GABRB1: variants seen among roughly 807,000 people sequenced by gnomAD.
GABRB1 encodes the protein gamma-aminobutyric acid type A receptor subunit beta1, also known as gamma-aminobutyric acid receptor subunit beta-1.
In GABRB1, 17 loss-of-function variants were observed where a neutral mutation model predicts 51.6. The ratio of observed to expected loss-of-function variants is 0.33; its 90% CI spans 0.23 to 0.49. The LOEUF (loss-of-function observed/expected upper bound fraction) is 0.49. GABRB1 is among the 20% of genes least tolerant of loss of function. The pLI is 0.99. For missense variants in GABRB1, 410 were observed against 600.6 expected, an observed-to-expected ratio of 0.68 and a Z score of 3.32; for synonymous variants, 247 against 218.9, an observed-to-expected ratio of 1.13 and a Z score of -1.14.
intron 3 of GABRB1, among the ~76,000 whole-genome samples, chr4:47,053,173 A>G (rs1726431559): frequency 6.6e-6 from 1 of 152,220 alleles, no homozygotes; most frequent in Non-Finnish European, 1.5e-5. Context: ...CTCTGGAGCA[A>G]GAATGACCCT....
At chr4:47,139,480 T>C (rs886600507) in intron 3 of GABRB1, among the ~76,000 whole-genome samples, 2 of 152,028 alleles carry the variant, frequency 1.3e-5, no homozygotes, top group African/African-American at 2.4e-5. Flanking sequence ...AATCATATCC[T>C]GGAGAAAGTG....
chr4:47,369,112 TA>T (rs796104553), intron 5 of GABRB1, among the ~76,000 whole-genome samples: 4 of 149,856 alleles, frequency 2.7e-5, no homozygotes, highest in Non-Finnish European at 6.0e-5. Context: ...CGTCTCAATT[TA>T]AAAAAATTTT....
intron 4 of GABRB1, among the ~76,000 whole-genome samples, chr4:47,185,875 C>A (rs1445272462): frequency 6.6e-6 from 1 of 151,828 alleles, no homozygotes; most frequent in African/African-American, 2.4e-5. Flanking sequence ...CTCTCAAGTG[C>A]TGGGGAAGAA....
At chr4:47,071,749 C>T (rs1167643093) in intron 3 of GABRB1, among the ~76,000 whole-genome samples, 1 of 150,780 alleles carries the variant, frequency 6.6e-6, no homozygotes, top group African/African-American at 2.4e-5. Flanking sequence ...GTGTCTAGAA[C>T]AGCACCGTGC....
intron 4 of GABRB1, 84 bp from the exon 5 acceptor site, chr4:47,320,042 TA>T: frequency 1.1e-6 from 1 of 927,756 alleles, no homozygotes; most frequent in Non-Finnish European, 1.8e-6. Context: ...TGCCAACTGG[TA>T]AACATGATTT....
At chr4:47,323,658 C>T (rs936285694) in intron 5 of GABRB1, among the ~76,000 whole-genome samples, 2 of 152,102 alleles carry the variant, frequency 1.3e-5, no homozygotes, top group Non-Finnish European at 2.9e-5. Context: ...ACGTTTGTGA[C>T]CAACAGAGTG....
intron 4 of GABRB1, among the ~76,000 whole-genome samples, chr4:47,264,228 A>G (rs1722560969): frequency 6.6e-6 from 1 of 152,180 alleles, no homozygotes; most frequent in Admixed American, 6.5e-5. Flanking sequence ...CTTCATAGGA[A>G]AGACTTAAAC....
intron 5 of GABRB1, among the ~76,000 whole-genome samples, chr4:47,394,937 C>T (rs899597532): frequency 2.6e-5 from 4 of 152,106 alleles, no homozygotes; most frequent in Non-Finnish European, 4.4e-5. Context: ...TTTCCTCCTC[C>T]CTGGAAGTGA....
intron 3 of GABRB1, among the ~76,000 whole-genome samples, chr4:47,128,533 A>G (rs1287639653): frequency 6.6e-6 from 1 of 152,042 alleles, no homozygotes; most frequent in African/African-American, 2.4e-5. Context: ...AGAAGAAGCT[A>G]GACACAAAGA....
At chr4:47,308,691 G>A (rs1021261552) in intron 4 of GABRB1, among the ~76,000 whole-genome samples, 1 of 152,100 alleles carries the variant, frequency 6.6e-6, no homozygotes, top group Non-Finnish European at 1.5e-5. Flanking sequence ...TAGTAACTGT[G>A]AAGGAGATTC....
rs56838956 is a variant in GABRB1, at chr4:47,254,361, G to GTTTTTTTTT, written c.462-65743_462-65735dup. On this transcript the variant is annotated intron_variant, in intron 4 of 8. Coordinates refer to ENST00000295454, the MANE Select transcript of GABRB1 (RefSeq NM_000812.4). Reference sequence around the variant, plus strand: ...ATGGTGGATGATGTTTCTTTTCTTTGTTTTTTTTTTTTTTTTTTTTTTTTT... The same window carrying GTTTTTTTTT: ...ATGGTGGATGATGTTTCTTTTCTTTGTTTTTTTTTTTTTTTTTTTTTTTTTTTTTTTTTT... 7.4e-4 allele frequency among the ~76,000 whole-genome samples: 60 copies of GTTTTTTTTT among 80,956 alleles called. 2 individuals are homozygous for GTTTTTTTTT. The highest frequency in any genetic ancestry group is 2.8e-3 in the African/African-American group (54 of 19,280). The allele number at this position is 80,956 out of a possible 152,430, so 53.1% of individuals were successfully genotyped here.
At chr4:47,218,278 A>G (rs1720633129) in intron 4 of GABRB1, among the ~76,000 whole-genome samples, 1 of 151,926 alleles carries the variant, frequency 6.6e-6, no homozygotes, top group South Asian at 2.1e-4. Context: ...GGTTATTGTG[A>G]ACAGAACTGC....
At chr4:47,359,071 A>G (rs548343186) in intron 5 of GABRB1, among the ~76,000 whole-genome samples, 22 of 152,146 alleles carry the variant, frequency 1.4e-4, no homozygotes, top group Non-Finnish European at 2.4e-4. Flanking sequence ...TTGGACTACA[A>G]TTTCTCGGTA....
At chr4:47,013,369 A>G (rs1193310959) in intron 1 of GABRB1, among the ~76,000 whole-genome samples, 1 of 152,170 alleles carries the variant, frequency 6.6e-6, no homozygotes, top group Non-Finnish European at 1.5e-5. Context: ...CATGTTGGCC[A>G]GGCTGGTTTC....
At chr4:47,322,908 G>A (rs748260712) in intron 5 of GABRB1, among the ~76,000 whole-genome samples, 63 of 152,144 alleles carry the variant, frequency 4.1e-4, no homozygotes, top group Non-Finnish European at 8.5e-4. Context: ...GGCAGAGGTT[G>A]CAGTGAGCTG....
chr4:47,261,847 A>G (rs1560303293), intron 4 of GABRB1, among the ~76,000 whole-genome samples: 1 of 152,246 alleles, frequency 6.6e-6, no homozygotes, highest in Non-Finnish European at 1.5e-5. Context: ...AAACAGAGAT[A>G]TAGATCAATG....
At chr4:47,345,492 T>C (rs1356913584) in intron 5 of GABRB1, among the ~76,000 whole-genome samples, 1 of 151,846 alleles carries the variant, frequency 6.6e-6, no homozygotes, top group Non-Finnish European at 1.5e-5. Context: ...CAAAGAGGAG[T>C]TGAAAGTGCC....
chr4:47,366,030 G>A (rs1726968829), intron 5 of GABRB1, among the ~76,000 whole-genome samples: 1 of 152,154 alleles, frequency 6.6e-6, no homozygotes, highest in African/African-American at 2.4e-5. Flanking sequence ...GACCCTGATT[G>A]ACACAGTAGG....
intron 4 of GABRB1, among the ~76,000 whole-genome samples, chr4:47,203,055 G>A (rs1719952778): frequency 6.6e-6 from 1 of 152,138 alleles, no homozygotes; most frequent in Admixed American, 6.6e-5. Context: ...TTCCAAGTAG[G>A]CTTTTCTGAG....
Sources: allele counts gnomAD v4.1 joint callset (sites outside exome capture counted in the v4.1 genomes callset), GRCh38; gene constraint gnomAD v4.1.1; transcripts MANE v1.5; gene names NCBI Gene and HGNC (gene_info 2026-07-23, HGNC 2026-07-21).